Variants in RBPJ observed in about 807,000 individuals in gnomAD.
The protein encoded by RBPJ is recombination signal binding protein for immunoglobulin kappa J region.
In RBPJ, 9 loss-of-function variants were observed where a neutral mutation model predicts 67.8. That is an observed-to-expected ratio of 0.13 (90% CI 0.08 to 0.23). RBPJ has a LOEUF of 0.23. RBPJ is among the 10% of genes least tolerant of loss of function. The probability of loss-of-function intolerance (pLI) is 1.00; values close to 1 mark genes in which losing one functional copy is unlikely to be tolerated. For missense variants in RBPJ, 305 were observed against 595.6 expected, an observed-to-expected ratio of 0.51 and a Z score of 5.08; for synonymous variants, 198 against 203.3, an observed-to-expected ratio of 0.97 and a Z score of 0.22.
chr4:26,157,102 AACAAACAAACAAACAAAAAAACCCCC>A, the RBPJ span, among the ~76,000 whole-genome samples: 1 of 103,664 alleles, frequency 9.6e-6, no homozygotes, highest in Admixed American at 9.9e-5. Context: ...AACAAACAAA[AACAAACAAACAAACAAAAAAACCCCC>A]AAAACTAAAA....
intron 1 of RBPJ, among the ~76,000 whole-genome samples, chr4:26,285,869 G>A (rs1721446806): frequency 1.3e-5 from 2 of 152,116 alleles, no homozygotes; most frequent in Non-Finnish European, 2.9e-5. Context: ...GGATATATGA[G>A]TGAAATTACC....
At chr4:26,230,754 A>G (rs1489289462) in intron 1 of RBPJ, among the ~76,000 whole-genome samples, 2 of 152,162 alleles carry the variant, frequency 1.3e-5, no homozygotes, top group Non-Finnish European at 2.9e-5. Context: ...TTTTTTTTCA[A>G]ATAACCATTA....
chr4:26,168,922 C>T (rs1157841996), intron 1 of RBPJ, among the ~76,000 whole-genome samples: 2 of 152,350 alleles, frequency 1.3e-5, no homozygotes, highest in African/African-American at 4.8e-5. Context: ...TCAGCTCCAT[C>T]AGCTCCTTTA....
At chr4:26,319,185 A>C (rs1484685419), upstream of RBPJ, among the ~76,000 whole-genome samples, 1 of 151,940 alleles carries the variant, frequency 6.6e-6, no homozygotes, top group Non-Finnish European at 1.5e-5. Context: ...CGTTTTAGGA[A>C]AGTACCAGGC....
At chr4:26,204,103 C>G (rs1228036567) in intron 1 of RBPJ, among the ~76,000 whole-genome samples, 1 of 152,066 alleles carries the variant, frequency 6.6e-6, no homozygotes, top group Non-Finnish European at 1.5e-5. Flanking sequence ...TGCCACCATG[C>G]CTGACTAATT....
rs770399404 is a variant in RBPJ at position 26,215,325 on chromosome 4, GAA to G, written c.-167+51715_-167+51716del. On this transcript the variant is annotated intron_variant, in intron 1 of 4. Transcript: ENST00000512351. ...GAGAGAGAAAAGAGAAAGAAAGAAA[GAA>G]AAAGAGAGAGAGAAAGAAAGAAAAA... Among the ~76,000 whole-genome samples, 1,503 of 74,762 alleles carry G rather than the reference GAA, an allele frequency of 0.02. 69 individuals carry two copies. In the East Asian group the frequency reaches 0.22, roughly 11 times the overall value. 49.0% of individuals were successfully genotyped at this position (74,762 alleles called of 152,430 possible).
rs1719146096 is a variant in RBPJ at position 26,228,181 on chromosome 4, C to T, written c.-167+64567C>T. 3.9e-5 allele frequency among the ~76,000 whole-genome samples: 6 copies of T among 152,298 alleles called. No individual in the cohort carries two copies. In the South Asian group the frequency reaches 1.2e-3, roughly 32 times the overall value. On this transcript the variant is annotated intron_variant, in intron 1 of 4. Coordinates refer to the RBPJ transcript ENST00000512351. ...AATCTGCCACAGGGGTTTATTTGTT[C>T]GAGCTTATTTGCTTTTCAGAGGCAA...
chr4:26,240,232 AT>A (rs1445021058), intron 1 of RBPJ, among the ~76,000 whole-genome samples: 2 of 152,210 alleles, frequency 1.3e-5, no homozygotes, highest in African/African-American at 4.8e-5. Flanking sequence ...TGAAATGCAA[AT>A]TTAACTGGAT....
At chr4:26,160,610 C>T (rs937222475), upstream of RBPJ, among the ~76,000 whole-genome samples, 4 of 152,158 alleles carry the variant, frequency 2.6e-5, no homozygotes, top group African/African-American at 7.2e-5. Flanking sequence ...ATGTCCACGG[C>T]GTGGTAGGGG....
chr4:26,170,685 T>C (rs1319650376), intron 1 of RBPJ, among the ~76,000 whole-genome samples: 1 of 152,236 alleles, frequency 6.6e-6, no homozygotes, highest in Non-Finnish European at 1.5e-5. Context: ...TTTTGTTAAC[T>C]GTATTTTCAT....
chr4:26,404,670 T>G (rs1429086820), intron 2 of RBPJ, among the ~76,000 whole-genome samples: 1 of 152,212 alleles, frequency 6.6e-6, no homozygotes, highest in East Asian at 1.9e-4. Flanking sequence ...GGAGTTAAAG[T>G]GCTTAGTTCA....
intron 1 of RBPJ, among the ~76,000 whole-genome samples, chr4:26,199,516 C>G (rs888999101): frequency 6.6e-6 from 1 of 152,202 alleles, no homozygotes; most frequent in Non-Finnish European, 1.5e-5. Flanking sequence ...CAGGACAACG[C>G]CTCTGTGGGG....
At chr4:26,323,036 T>TA (rs1329297715) in intron 1 of RBPJ, 1 of 146,058 alleles carries the variant, frequency 6.8e-6, no homozygotes, top group Non-Finnish European at 1.5e-5. Context: ...ATAGGGGACA[T>TA]ACGAGATCTA....
intron 1 of RBPJ, among the ~76,000 whole-genome samples, chr4:26,288,753 A>G (rs527524705): frequency 3.3e-4 from 51 of 152,348 alleles, no homozygotes; most frequent in South Asian, 1.4e-3. Flanking sequence ...TTTAGAAAGT[A>G]TTTCCCCATG....
chr4:26,238,095 C>T (rs1042790236), intron 1 of RBPJ, among the ~76,000 whole-genome samples: 3 of 152,082 alleles, frequency 2.0e-5, no homozygotes, highest in Non-Finnish European at 4.4e-5. Flanking sequence ...AGGGTCTCAC[C>T]CTGTTGCCCA....
chr4:26,109,729 C>CTATA, the RBPJ span, among the ~76,000 whole-genome samples: 9 of 66,062 alleles, frequency 1.4e-4, no homozygotes, highest in African/African-American at 4.4e-4. Context: ...CTCTCTCTCT[C>CTATA]TATATATATA....
the RBPJ span, among the ~76,000 whole-genome samples, chr4:26,123,870 A>G: frequency 6.6e-6 from 1 of 152,098 alleles, no homozygotes; most frequent in Non-Finnish European, 1.5e-5. Context: ...ATCTCCTAGG[A>G]TAACAGTAGT....
chr4:26,270,437 G>GAAAGAAAGAAGA (rs757127437), intron 1 of RBPJ, among the ~76,000 whole-genome samples: 133 of 30,080 alleles, frequency 4.4e-3, no homozygotes, highest in Middle Eastern at 0.017. Flanking sequence ...AAGAAAGAAA[G>GAAAGAAAGAAGA]AAGAAAGAAA....
intron 1 of RBPJ, among the ~76,000 whole-genome samples, chr4:26,311,618 T>C (rs1414695725): frequency 6.6e-6 from 1 of 152,136 alleles, no homozygotes; most frequent in Non-Finnish European, 1.5e-5. Context: ...ACTAGCTGCT[T>C]CACATGCCTT....
Sources: allele counts gnomAD v4.1 joint callset (sites outside exome capture counted in the v4.1 genomes callset), GRCh38; gene constraint gnomAD v4.1.1; transcripts MANE v1.5; gene names NCBI Gene and HGNC (gene_info 2026-07-23, HGNC 2026-07-21).